SLC4A7: variants seen among roughly 807,000 people sequenced by gnomAD.
SLC4A7 encodes sodium bicarbonate cotransporter 3.
A neutral mutation model predicts 137.6 loss-of-function variants in SLC4A7; 51 were observed. The ratio of observed to expected loss-of-function variants is 0.37; its 90% confidence interval spans 0.30 to 0.47. SLC4A7 has a LOEUF of 0.47. Ranked by LOEUF, SLC4A7 falls within the 20% of genes least tolerant of loss-of-function variation. The pLI, the probability that SLC4A7 is intolerant of heterozygous loss-of-function variation, is 1.00. For missense variants in SLC4A7, 1,247 were observed against 1,525.4 expected, an observed-to-expected ratio of 0.82 and a Z score of 3.04; for synonymous variants, 542 against 518.6, an observed-to-expected ratio of 1.05 and a Z score of -0.61.
intron 11 of SLC4A7, 141 bp downstream of exon 11, chr3:27,418,345 A>G (rs1414552330): frequency 1.6e-6 from 1 of 635,966 alleles, no homozygotes; most frequent in Non-Finnish European, 2.7e-6. Flanking sequence ...GTCCACCCAC[A>G]GGAGGTAAGT....
chr3:27,479,180 AGAG>A (rs1455575380), intron 1 of SLC4A7, among the ~76,000 whole-genome samples: 2 of 152,184 alleles, frequency 1.3e-5, no homozygotes, highest in African/African-American at 2.4e-5. Flanking sequence ...TTTGGGGGGC[AGAG>A]GAGGGTGGAT....
intron 1 of SLC4A7, among the ~76,000 whole-genome samples, chr3:27,453,552 T>C (rs972567400): frequency 2.6e-5 from 4 of 152,112 alleles, no homozygotes; most frequent in African/African-American, 4.8e-5. Context: ...GGCAGAGGTA[T>C]TGGTGAGCCA....
intron 1 of SLC4A7, among the ~76,000 whole-genome samples, chr3:27,460,068 G>A (rs982328659): frequency 2.0e-5 from 3 of 146,502 alleles, no homozygotes; most frequent in African/African-American, 5.1e-5. Context: ...ACAGGGTCTC[G>A]CTCTGTCGCC....
intron 10 of SLC4A7, among the ~76,000 whole-genome samples, chr3:27,420,170 A>AAAAAG (rs1407071683): frequency 1.3e-5 from 2 of 152,224 alleles, no homozygotes; most frequent in African/African-American, 2.4e-5. Context: ...TCTCAAAAAA[A>AAAAAG]AAAAGAAAAG....
chr3:27,450,823 G>C (rs537210352), intron 2 of SLC4A7, among the ~76,000 whole-genome samples: 8 of 151,518 alleles, frequency 5.3e-5, no homozygotes, highest in South Asian at 2.1e-4. Flanking sequence ...TCTATCAAAA[G>C]CCTATTTACT....
intron 3 of SLC4A7, among the ~76,000 whole-genome samples, chr3:27,440,787 T>C (rs2057128796): frequency 6.6e-6 from 1 of 150,824 alleles, no homozygotes; most frequent in Admixed American, 6.6e-5. Context: ...CTCACACCTG[T>C]AATCCCAGCC....
intron 1 of SLC4A7, among the ~76,000 whole-genome samples, chr3:27,458,850 C>T (rs1470824846): frequency 6.6e-6 from 1 of 152,088 alleles, no homozygotes; most frequent in East Asian, 1.9e-4. Context: ...ATTAGCCAGG[C>T]ACAGTGGTGC....
rs567332398 is a variant in SLC4A7, at chr3:27,433,906, C to G, written c.778+10G>C. On this transcript the variant is annotated intron_variant, in intron 6 of 25. Coordinates refer to ENST00000454389, the MANE Select transcript of SLC4A7 (RefSeq NM_001321103.2). ...TGTTAGCAAAAATTGGATGCCACAACTTATCTCACCATTCCTTTCAAGCAA... is the reference window on the plus strand; with the variant it reads ...TGTTAGCAAAAATTGGATGCCACAAGTTATCTCACCATTCCTTTCAAGCAA... 6.2e-7 allele frequency: 1 copy of G among 1,612,912 alleles called. No individual in the cohort carries two copies. Among genetic ancestry groups the G allele is most frequent in the African/African-American group, 1.3e-5 (1 of 74,958 alleles).
At chr3:27,377,779 G>A (rs1022458257) in intron 25 of SLC4A7, among the ~76,000 whole-genome samples, 2 of 152,110 alleles carry the variant, frequency 1.3e-5, no homozygotes, top group Non-Finnish European at 2.9e-5. Context: ...TGAATATCTG[G>A]GTTCTGGAAA....
chr3:27,456,720 G>A lies in SLC4A7; in HGVS notation c.61-4222C>T, dbSNP rs371086100. The A allele has an allele frequency of 2.0e-4, 326 of 1,607,110 alleles. 2 individuals are homozygous for A. The Middle Eastern group carries it at 2.3e-3, about 11-fold the overall frequency. On this transcript the variant is annotated intron_variant, in intron 1 of 25. Coordinates refer to ENST00000454389, the MANE Select transcript of SLC4A7 (RefSeq NM_001321103.2). ...AATGCCTTGTTTCTGATGATGTAAT[G>A]CAGTAACTCCCTTGAAGATTCCAGG...
intron 22 of SLC4A7, among the ~76,000 whole-genome samples, chr3:27,389,707 T>C (rs982878686): frequency 1.3e-5 from 2 of 152,142 alleles, no homozygotes; most frequent in Admixed American, 6.5e-5. Context: ...CCAAGTCCTA[T>C]AGCCTAAGGA....
intron 1 of SLC4A7, among the ~76,000 whole-genome samples, chr3:27,456,222 C>A (rs1006891828): frequency 1.3e-5 from 2 of 152,140 alleles, no homozygotes; most frequent in African/African-American, 4.8e-5. Flanking sequence ...TCAGAGATCC[C>A]TGTCACAAAT....
intron 22 of SLC4A7, among the ~76,000 whole-genome samples, chr3:27,388,025 G>T (rs1402945617): frequency 6.6e-6 from 1 of 152,026 alleles, no homozygotes; most frequent in Non-Finnish European, 1.5e-5. Context: ...TTTGATCATT[G>T]AGAGAGACTG....
chr3:27,449,210 T>C (rs1317300269), intron 2 of SLC4A7, among the ~76,000 whole-genome samples: 1 of 151,944 alleles, frequency 6.6e-6, no homozygotes, highest in Non-Finnish European at 1.5e-5. Context: ...TAAAAAGATA[T>C]CTTAAGAAAG....
At position 27,433,993 on chromosome 3, in the gene SLC4A7, G is replaced by C. The variant is rs200000052; in HGVS notation, c.701C>G (p.Thr234Ser). 15 of 1,613,796 alleles carry C rather than the reference G, an allele frequency of 9.3e-6. No homozygotes were observed. The Admixed American group carries it at 1.8e-4, about 20-fold the overall frequency. Reference sequence around the variant, plus strand: ...AGATCGAACAAGAGGAATCCGACTGGTGAATCTTTTCTCATTCTGATGATG... The same window carrying C: ...AGATCGAACAAGAGGAATCCGACTGCTGAATCTTTTCTCATTCTGATGATG... ...RHHHQNEKRF[T>S]SRIPLVRSFA... Residue 234 changes from threonine (T) to serine (S), a missense_variant, in exon 6 of 26, where the codon ACC becomes AGC. By Grantham distance (58) the Thr-to-Ser change is moderately conservative. This residue lies in a region of SLC4A7 where 223 missense variants were observed against 203.6 expected (regional missense o/e 1.10). Transcript: ENST00000454389.
intron 1 of SLC4A7, among the ~76,000 whole-genome samples, chr3:27,465,309 A>AT (rs2058927124): frequency 2.1e-5 from 3 of 139,570 alleles, no homozygotes; most frequent in Non-Finnish European, 4.7e-5. Context: ...AAAAAAAAAA[A>AT]CCCACAAACC....
chr3:27,477,631 T>C lies in SLC4A7; in HGVS notation c.60+6436A>G, dbSNP rs560191662. ...TTCTCAGAGCCTTTTTTTTTGGAGA[T>C]GGAGTCTTGCTCTGTTGCCCAGGAA... On this transcript the variant is annotated intron_variant, in intron 1 of 25. Transcript: ENST00000454389. Among the ~76,000 whole-genome samples the C allele has an allele frequency of 4.7e-4, 71 of 152,218 alleles. 1 individual carries two copies. In the South Asian group the frequency reaches 8.1e-3, roughly 17 times the overall value.
At chr3:27,413,727 T>A (rs2054122904) in intron 11 of SLC4A7, among the ~76,000 whole-genome samples, 1 of 152,206 alleles carries the variant, frequency 6.6e-6, no homozygotes, top group Non-Finnish European at 1.5e-5. Flanking sequence ...AAATGTATAT[T>A]TTGGCTCCAA....
chr3:27,409,024 C>T (rs1280845803), intron 13 of SLC4A7, among the ~76,000 whole-genome samples: 1 of 152,188 alleles, frequency 6.6e-6, no homozygotes, highest in Non-Finnish European at 1.5e-5. Context: ...ACCCCCATGA[C>T]CCACCCAGAA....
Sources: gnomAD v4.1 joint callset for allele counts (sites outside exome capture counted in the v4.1 genomes callset) on GRCh38, gnomAD v4.1.1 for gene constraint, gnomAD v4.1.1 regional missense constraint, MANE v1.5 for transcripts, NCBI Gene and HGNC (gene_info 2026-07-23, HGNC 2026-07-21) for gene names.